The following HEXD variants were observed in gnomAD, a reference collection of about 807,000 sequenced individuals.
HEXD encodes N-acetyl-beta-galactosaminidase.
A neutral mutation model predicts 54.2 loss-of-function variants in HEXD; 47 were observed. That is an observed-to-expected ratio of 0.87 (90% confidence interval 0.69 to 1.11). The LOEUF (loss-of-function observed/expected upper bound fraction) is 1.11. HEXD is among the 50% of genes least tolerant of loss of function. The probability of loss-of-function intolerance (pLI) is 0.00; values close to 1 mark genes in which losing one functional copy is unlikely to be tolerated. For synonymous variants in HEXD, 293 were observed against 287.6 expected (o/e 1.02, Z -0.19); for missense variants, 576 against 649.2 (o/e 0.89, Z 1.23).
intron 5 of HEXD, 126 bp downstream of exon 5, chr17:82,433,948 A>G: frequency 2.3e-6 from 2 of 859,346 alleles, no homozygotes; most frequent in Non-Finnish European, 3.4e-6. Context: ...AGGGCACCCC[A>G]TCCAACATCT....
intron 6 of HEXD, 50 bp downstream of exon 6, chr17:82,435,922 C>T: frequency 6.5e-7 from 1 of 1,544,716 alleles, no homozygotes; most frequent in Non-Finnish European, 8.8e-7. Context: ...CTGCCCAAGA[C>T]CTGCGGCTTC....
intron 7 of HEXD, 139 bp downstream of exon 7, chr17:82,436,877 C>G (rs1169818167): frequency 1.3e-6 from 1 of 764,710 alleles, no homozygotes; most frequent in African/African-American, 1.7e-5. Flanking sequence ...CCAGCAGACC[C>G]CAGCCCATGG....
chr17:82,438,209 G>A (rs1012147009), intron 8 of HEXD, among the ~76,000 whole-genome samples: 1 of 152,050 alleles, frequency 6.6e-6, no homozygotes, highest in Admixed American at 6.5e-5. Context: ...CTGCACTCCA[G>A]CCTGGGCGAC....
In HEXD at chr17:82,440,242, G is replaced by A. The variant is rs1416547055; in HGVS notation, c.982+529G>A. On this transcript the variant is annotated intron_variant, in intron 9 of 12. Coordinates refer to ENST00000327949, the MANE Select transcript of HEXD (RefSeq NM_001330542.2). ...CTCGCAGGCCACACGGGAAATTAGC[G>A]ACTGCGTGGTGCTGATGCAGAAAGA... The A allele has an allele frequency of 7.0e-6, 9 of 1,288,782 alleles. No homozygotes were observed. In the East Asian group the frequency reaches 2.8e-4, roughly 40 times the overall value. The allele number at this position is 1,288,782 out of a possible 1,614,324, so 79.8% of individuals were successfully genotyped here.
chr17:82,433,651 T>C lies in HEXD; in HGVS notation c.283-7T>C, dbSNP rs757711607. 16 of 1,569,252 alleles carry C rather than the reference T, an allele frequency of 1.0e-5. No individual in the cohort carries two copies. The highest frequency in any genetic ancestry group is 2.6e-6 in the Non-Finnish European group (3 of 1,164,102). On this transcript the variant is annotated splice_polypyrimidine_tract_variant and splice_region_variant and intron_variant, in intron 4 of 12. Coordinates refer to ENST00000327949, the MANE Select transcript of HEXD (RefSeq NM_001330542.2). ...CCCCCAACGCGAACTTCTCTGTCTCTCCGCAGTTTGTGCTGAAGCACACGG... is the reference window on the plus strand; with the variant it reads ...CCCCCAACGCGAACTTCTCTGTCTCCCCGCAGTTTGTGCTGAAGCACACGG...
Position 82,442,273 on chromosome 17 carries a change from C to G in HEXD, c.1350C>G (p.Asn450Lys). The change falls in exon 13 of 13, where the codon AAC becomes AAG. Residue 450 changes from asparagine (N) to lysine (K), a missense_variant. Asn to Lys is a moderately conservative substitution (Grantham distance 94). Coordinates refer to ENST00000327949, the MANE Select transcript of HEXD (RefSeq NM_001330542.2). The surrounding 1 kb of genome is among the most constrained non-coding windows in gnomAD (Gnocchi z 6.8). The part of the protein sequence containing the change: ...PDAVEEWLEE[N>K]VHPSLQRLQA... ...CCGTGGAGGAGTGGCTGGAGGAAAA[C>G]GTGCACCCCAGCCTGCAGCGGCTGC... 6.2e-7 allele frequency: 1 copy of G among 1,607,042 alleles called. No individual in the cohort carries two copies. The highest frequency in any genetic ancestry group is 8.5e-7 in the Non-Finnish European group (1 of 1,179,884).
intron 11 of HEXD, 51 bp from the exon 12 acceptor site, chr17:82,441,749 C>A (rs1202883651): frequency 1.4e-6 from 2 of 1,427,944 alleles, no homozygotes; most frequent in Non-Finnish European, 9.9e-7. Flanking sequence ...CAAAGCCGCC[C>A]CACGGCTGCC....
chr17:82,440,868 CTGG>C, intron 9 of HEXD, 126 bp from the exon 10 acceptor site: 1 of 1,028,364 alleles, frequency 9.7e-7, no homozygotes, highest in South Asian at 1.4e-5. Context: ...ACACGCGGGG[CTGG>C]GCCTGGCCAG....
intron 5 of HEXD, among the ~76,000 whole-genome samples, chr17:82,435,318 C>A (rs1003001989): frequency 6.6e-6 from 1 of 152,188 alleles, no homozygotes; most frequent in Non-Finnish European, 1.5e-5. Context: ...CCGAGTCACA[C>A]AGTGTATGAC....
rs545947125 is a variant in HEXD, at chr17:82,434,745, C to A, written c.447+923C>A. Among the ~76,000 whole-genome samples the A allele has an allele frequency of 6.8e-5, 10 of 146,472 alleles. No homozygotes were observed. Among genetic ancestry groups the A allele is most frequent in the Admixed American group, 6.1e-4 (9 of 14,772 alleles). ...CCCAGCTACTCAGGAGGCTGAGGCACGAGAATCGCTTGAACCCAGGAGGTG... is the reference window on the plus strand; with the variant it reads ...CCCAGCTACTCAGGAGGCTGAGGCAAGAGAATCGCTTGAACCCAGGAGGTG... On this transcript the variant is annotated intron_variant, in intron 5 of 12. Transcript: ENST00000327949. This position sits in a 1 kb window ranked among gnomAD's most constrained non-coding sequence, Gnocchi z 4.5.
chr17:82,439,571 C>T (rs144401888), intron 8 of HEXD, 60 bp from the exon 9 acceptor site: 31 of 1,500,418 alleles, frequency 2.1e-5, no homozygotes, highest in Middle Eastern at 1.9e-4. Context: ...GAAGTCAGGG[C>T]GCCTGCGTCA....
Position 82,424,389 on chromosome 17 carries a change from C to G in HEXD, c.85-5C>G. The G allele has an allele frequency of 6.2e-7, 1 of 1,607,950 alleles. No individual in the cohort carries two copies. The highest frequency in any genetic ancestry group is 8.5e-7 in the Non-Finnish European group (1 of 1,174,464). Reference sequence around the variant, plus strand: ...CTTCCTAACCCCTCCCTGTTTACCCCCCAGATTTTTCCTCTGTTCCGTGCG... The same window carrying G: ...CTTCCTAACCCCTCCCTGTTTACCCGCCAGATTTTTCCTCTGTTCCGTGCG... On this transcript the variant is annotated splice_region_variant and splice_polypyrimidine_tract_variant and intron_variant, in intron 2 of 12. Transcript: ENST00000327949.
At chr17:82,439,041 C>T (rs866369199) in intron 8 of HEXD, among the ~76,000 whole-genome samples, 3 of 152,194 alleles carry the variant, frequency 2.0e-5, no homozygotes, top group South Asian at 2.1e-4. Flanking sequence ...AACTGAGGCA[C>T]GGGCAGGTGG....
intron 6 of HEXD, among the ~76,000 whole-genome samples, chr17:82,436,457 C>G (rs1254664168): frequency 1.3e-5 from 2 of 152,222 alleles, no homozygotes; most frequent in African/African-American, 2.4e-5. Context: ...GGTAGAGCAG[C>G]AGTGGGAGCA....
chr17:82,433,599 CAGA>C (rs1260061908), intron 4 of HEXD, 56 bp from the exon 5 acceptor site: 8 of 1,454,166 alleles, frequency 5.5e-6, no homozygotes, highest in Admixed American at 2.8e-5. Flanking sequence ...CCCAGGTGGG[CAGA>C]AGGAGATCAG....
chr17:82,436,998 A>C, intron 7 of HEXD, 170 bp from the exon 8 acceptor site: 1 of 695,430 alleles, frequency 1.4e-6, no homozygotes, highest in East Asian at 2.6e-5. Flanking sequence ...AGTCTCCCCG[A>C]CTGGGACCCG....
chr17:82,440,298 C>G lies in HEXD; in HGVS notation c.982+585C>G, dbSNP rs902942562. On this transcript the variant is annotated intron_variant, in intron 9 of 12. Transcript: ENST00000327949. The stretch of plus-strand genomic sequence containing the variant: ...GGCCGAGACGCGCGGAGAGCGGGAC[C>G]CGCAGGCGCGGCGGCCCAGGGACGG... 9 of 1,269,194 alleles carry G rather than the reference C, an allele frequency of 7.1e-6. No individual in the cohort carries two copies. In the African/African-American group the frequency reaches 9.2e-5, roughly 13 times the overall value. 78.6% of individuals were successfully genotyped at this position (1,269,194 alleles called of 1,614,324 possible). A position where few individuals can be genotyped will look rare whatever the true frequency, so the allele number is the denominator to read the frequency against.
intron 4 of HEXD, among the ~76,000 whole-genome samples, chr17:82,429,368 C>G (rs769165237): frequency 3.9e-5 from 6 of 152,170 alleles, no homozygotes; most frequent in Non-Finnish European, 7.4e-5. Flanking sequence ...ATTTATTTCT[C>G]TAACAGATAC....
chr17:82,441,282 A>AGGGGCAGGTGTGGGTGAGG lies in HEXD; in HGVS notation c.1163+25_1163+43dup. 7.8e-7 allele frequency: 1 copy of AGGGGCAGGTGTGGGTGAGG among 1,289,106 alleles called. No individual in the cohort carries two copies. The allele number at this position is 1,289,106 out of a possible 1,614,324, so 79.9% of individuals were successfully genotyped here. A position where few individuals can be genotyped will look rare whatever the true frequency, so the allele number is the denominator to read the frequency against. ...AGGGCAACAGGTGAGCGTGTGGGTT[A>AGGGGCAGGTGTGGGTGAGG]GGGGCAGGTGTGGGTGAGGGGGGCA... On this transcript the variant is annotated intron_variant, in intron 11 of 12. Transcript: ENST00000327949.
Sources: gnomAD v4.1 joint callset for allele counts (sites outside exome capture counted in the v4.1 genomes callset) on GRCh38, gnomAD v4.1.1 for gene constraint, Gnocchi (gnomAD v3.1) non-coding constraint, MANE v1.5 for transcripts, NCBI Gene and HGNC (gene_info 2026-07-23, HGNC 2026-07-21) for gene names.